The following EPHA5 variants were observed in gnomAD, a reference collection of about 807,000 sequenced individuals.
EPHA5 encodes ephrin type-A receptor 5.
EPHA5 carries 60 observed loss-of-function variants against 105.0 expected under a neutral mutation model. The ratio of observed to expected loss-of-function variants is 0.57; its 90% confidence interval spans 0.46 to 0.71. EPHA5 has a LOEUF of 0.71. EPHA5 is among the 30% of genes least tolerant of loss of function. The pLI is 0.00. For missense variants in EPHA5, 1,218 were observed against 1,274.7 expected, an observed-to-expected ratio of 0.96 and a Z score of 0.68; for synonymous variants, 513 against 449.1, an observed-to-expected ratio of 1.14 and a Z score of -1.80.
At chr4:65,512,302 G>C (rs1001526260) in intron 3 of EPHA5, among the ~76,000 whole-genome samples, 2 of 151,938 alleles carry the variant, frequency 1.3e-5, no homozygotes, top group Non-Finnish European at 2.9e-5. Flanking sequence ...TGAGAGTACA[G>C]AAAAAATAAA....
intron 3 of EPHA5, among the ~76,000 whole-genome samples, chr4:65,581,218 C>T (rs1218480882): frequency 6.6e-6 from 1 of 151,756 alleles, no homozygotes; most frequent in Non-Finnish European, 1.5e-5. Flanking sequence ...GTTGAAGATG[C>T]TCTATATGCC....
chr4:65,512,574 C>T (rs937375650), intron 3 of EPHA5, among the ~76,000 whole-genome samples: 1 of 152,076 alleles, frequency 6.6e-6, no homozygotes, highest in Non-Finnish European at 1.5e-5. Context: ...TCTCTTGCTG[C>T]TATGGCCATC....
intron 8 of EPHA5, among the ~76,000 whole-genome samples, chr4:65,374,546 G>C (rs1401191665): frequency 6.6e-6 from 1 of 151,912 alleles, no homozygotes; most frequent in African/African-American, 2.4e-5. Flanking sequence ...CATTGGAATT[G>C]CTGAGCCAAG....
At chr4:65,395,556 T>G (rs1721137281) in intron 8 of EPHA5, among the ~76,000 whole-genome samples, 1 of 152,206 alleles carries the variant, frequency 6.6e-6, no homozygotes, top group Admixed American at 6.5e-5. Flanking sequence ...GGTCTGATGA[T>G]CATAATTATG....
At chr4:65,635,654 A>C (rs1747055082) in intron 2 of EPHA5, among the ~76,000 whole-genome samples, 1 of 152,190 alleles carries the variant, frequency 6.6e-6, no homozygotes, top group South Asian at 2.1e-4. Context: ...AACTGTTCTA[A>C]GCAAACACCA....
chr4:65,453,085 A>G (rs1015731473), intron 5 of EPHA5, among the ~76,000 whole-genome samples: 2 of 152,154 alleles, frequency 1.3e-5, no homozygotes, highest in Non-Finnish European at 2.9e-5. Flanking sequence ...GCTTCCATGG[A>G]TAATCATTTT....
intron 14 of EPHA5, among the ~76,000 whole-genome samples, chr4:65,338,952 A>T (rs184113679): frequency 6.6e-6 from 1 of 152,270 alleles, no homozygotes; most frequent in African/African-American, 2.4e-5. Flanking sequence ...TTACTATTAG[A>T]TTTGTTGATA....
chr4:65,573,862 G>A (rs55866611), intron 3 of EPHA5: 2 of 1,612,920 alleles, frequency 1.2e-6, no homozygotes, highest in South Asian at 2.2e-5. Context: ...AAACCCTTCA[G>A]TCAGCACGTG....
intron 11 of EPHA5, among the ~76,000 whole-genome samples, chr4:65,363,349 A>T (rs1717524074): frequency 6.6e-6 from 1 of 151,606 alleles, no homozygotes; most frequent in Non-Finnish European, 1.5e-5. Flanking sequence ...CTAAGGTTCT[A>T]AATGTTTATG....
chr4:65,564,087 CA>C (rs1739288985), intron 3 of EPHA5, among the ~76,000 whole-genome samples: 1 of 151,684 alleles, frequency 6.6e-6, no homozygotes, highest in South Asian at 2.1e-4. Context: ...AACAAACAAA[CA>C]AAAAATGATT....
In EPHA5 at chr4:65,669,693, C is replaced by T; in HGVS notation, c.50G>A (p.Gly17Asp). ...RGAGRRRPPS[G>D]GGDTPITPAS... ...TGGGGTGATGGGGGTGTCGCCGCCG[C>T]CGCTTGGGGGCCGCCGGCGTCCCGC... Residue 17 changes from glycine (G) to aspartate (D), a missense_variant, in exon 1 of 17, where the codon GGC becomes GAC. Coordinates refer to ENST00000613740, the MANE Select transcript of EPHA5 (RefSeq NM_001281766.3). 1 of 1,310,778 alleles carries T rather than the reference C, an allele frequency of 7.6e-7. No homozygotes were observed. The highest frequency in any genetic ancestry group is 9.7e-7 in the Non-Finnish European group (1 of 1,026,930). 81.2% of individuals were successfully genotyped at this position (1,310,778 alleles called of 1,614,324 possible).
intron 8 of EPHA5, among the ~76,000 whole-genome samples, chr4:65,401,397 A>T (rs1046067030): frequency 3.9e-5 from 6 of 152,080 alleles, no homozygotes; most frequent in African/African-American, 1.4e-4. Context: ...GCTTTTAGTT[A>T]TATTTATATA....
chr4:65,458,754 G>A (rs1211546050), intron 5 of EPHA5, among the ~76,000 whole-genome samples: 1 of 151,850 alleles, frequency 6.6e-6, no homozygotes, highest in East Asian at 1.9e-4. Context: ...TTATTATATA[G>A]TACATGTATA....
chr4:65,567,652 G>T (rs1192968210), intron 3 of EPHA5, among the ~76,000 whole-genome samples: 4 of 151,548 alleles, frequency 2.6e-5, no homozygotes, highest in Non-Finnish European at 5.9e-5. Flanking sequence ...ATATCTAAGT[G>T]CATATATCTA....
At chr4:65,374,641 C>T (rs1356650401) in intron 8 of EPHA5, among the ~76,000 whole-genome samples, 1 of 151,852 alleles carries the variant, frequency 6.6e-6, no homozygotes, top group Non-Finnish European at 1.5e-5. Context: ...AGAGTTAATG[C>T]ATTTACAATG....
chr4:65,335,229 A>AAATAACAATCTGGT lies in EPHA5; in HGVS notation c.2789+702_2789+703insACCAGATTGTTATT, dbSNP rs1721057574. On this transcript the variant is annotated intron_variant, in intron 15 of 16. Transcript: ENST00000613740. The stretch of plus-strand genomic sequence containing the variant: ...AATCTGGTAAATTTTCTAGTGCAGA[A>AAATAACAATCTGGT]TCAAACTGATTTATTTTTTGAGAAG... 1.3e-5 allele frequency among the ~76,000 whole-genome samples: 2 copies of AAATAACAATCTGGT among 152,044 alleles called. 1 individual carries two copies. The highest frequency in any genetic ancestry group is 4.1e-4 in the South Asian group (2 of 4,828).
chr4:65,409,346 A>ATAAAT (rs1553910970), intron 7 of EPHA5, among the ~76,000 whole-genome samples: 1 of 134,212 alleles, frequency 7.5e-6, no homozygotes, highest in Non-Finnish European at 1.6e-5. Flanking sequence ...ATAATAATAA[A>ATAAAT]AAATAAATAA....
chr4:65,424,718 G>C (rs548646864), intron 5 of EPHA5, among the ~76,000 whole-genome samples: 1 of 152,106 alleles, frequency 6.6e-6, no homozygotes, highest in South Asian at 2.1e-4. Context: ...AAGGCAAAGT[G>C]CTTACACAGA....
At chr4:65,370,809 C>T (rs180989915) in intron 8 of EPHA5, among the ~76,000 whole-genome samples, 18 of 152,146 alleles carry the variant, frequency 1.2e-4, no homozygotes, top group East Asian at 5.8e-4. Context: ...ATAACATATA[C>T]GGCTGCATAT....
Sources: allele counts gnomAD v4.1 joint callset (sites outside exome capture counted in the v4.1 genomes callset), GRCh38; gene constraint gnomAD v4.1.1; transcripts MANE v1.5; gene names NCBI Gene and HGNC (gene_info 2026-07-23, HGNC 2026-07-21).